RALYL: variants seen among roughly 807,000 people sequenced by gnomAD.
The protein encoded by RALYL is RALY RNA binding protein like.
A neutral mutation model predicts 35.1 loss-of-function variants in RALYL; 29 were observed. The ratio of observed to expected loss-of-function variants is 0.83; its 90% CI spans 0.61 to 1.13. RALYL has a LOEUF of 1.13. Among genes scored for constraint, RALYL ranks in the 50% most tolerant of loss-of-function variants. The pLI is 0.00. For synonymous variants in RALYL, 120 were observed against 127.6 expected (o/e 0.94, Z 0.40); for missense variants, 359 against 360.4 (o/e 1.00, Z 0.03).
intron 2 of RALYL, among the ~76,000 whole-genome samples, chr8:84,585,539 A>G (rs991453995): frequency 1.3e-5 from 2 of 152,308 alleles, no homozygotes; most frequent in East Asian, 3.9e-4. Context: ...ATATGTATAC[A>G]TATTCAATAA....
intron 2 of RALYL, among the ~76,000 whole-genome samples, chr8:84,707,344 T>A (rs556057628): frequency 6.6e-6 from 1 of 152,324 alleles, no homozygotes; most frequent in African/African-American, 2.4e-5. Context: ...TGTGATTTCC[T>A]CTTACAAGAA....
intron 2 of RALYL, among the ~76,000 whole-genome samples, chr8:84,625,992 C>T (rs1313055155): frequency 1.3e-5 from 2 of 151,264 alleles, no homozygotes; most frequent in Non-Finnish European, 2.9e-5. Context: ...GAGACAGGGG[C>T]ACTTATCCAA....
At chr8:84,820,027 T>G (rs1828179304) in intron 4 of RALYL, among the ~76,000 whole-genome samples, 1 of 152,126 alleles carries the variant, frequency 6.6e-6, no homozygotes, top group East Asian at 1.9e-4. Flanking sequence ...AATTATAGAA[T>G]TTAAAAAATC....
At chr8:84,452,857 A>G (rs2049664441) in intron 1 of RALYL, among the ~76,000 whole-genome samples, 1 of 151,946 alleles carries the variant, frequency 6.6e-6, no homozygotes, top group African/African-American at 2.4e-5. Flanking sequence ...TTGTGTATAT[A>G]TGTATATTTA....
At chr8:84,467,554 T>G (rs1695241176) in intron 1 of RALYL, among the ~76,000 whole-genome samples, 1 of 149,936 alleles carries the variant, frequency 6.7e-6, no homozygotes, top group African/African-American at 2.4e-5. Flanking sequence ...AGGAGAGCTT[T>G]ACTTCCAAGT....
chr8:84,240,774 G>A (rs1469362585), intron 1 of RALYL, among the ~76,000 whole-genome samples: 1 of 152,096 alleles, frequency 6.6e-6, no homozygotes, highest in Non-Finnish European at 1.5e-5. Context: ...GAAAAGATGT[G>A]ATAAAAAGCT....
At chr8:84,865,214 T>C (rs888230446) in intron 6 of RALYL, among the ~76,000 whole-genome samples, 19 of 152,148 alleles carry the variant, frequency 1.2e-4, no homozygotes, top group African/African-American at 4.6e-4. Context: ...AGTTTCTAAC[T>C]CAAATCACAA....
chr8:84,877,923 A>C (rs1047287601), intron 7 of RALYL, among the ~76,000 whole-genome samples: 1 of 152,216 alleles, frequency 6.6e-6, no homozygotes, highest in Non-Finnish European at 1.5e-5. Context: ...AAGATGATGA[A>C]TTAAACACAT....
intron 1 of RALYL, among the ~76,000 whole-genome samples, chr8:84,282,333 G>T (rs1406624096): frequency 6.6e-6 from 1 of 151,592 alleles, no homozygotes; most frequent in Non-Finnish European, 1.5e-5. Context: ...TATTACTTTT[G>T]TTCTCCAGTA....
intron 1 of RALYL, among the ~76,000 whole-genome samples, chr8:84,504,651 C>G (rs2057005198): frequency 6.6e-6 from 1 of 152,048 alleles, no homozygotes; most frequent in African/African-American, 2.4e-5. Context: ...GAATGAGTAA[C>G]TGTGCAGTAG....
At chr8:84,603,052 A>C (rs1334655601) in intron 2 of RALYL, among the ~76,000 whole-genome samples, 1 of 152,122 alleles carries the variant, frequency 6.6e-6, no homozygotes, top group Non-Finnish European at 1.5e-5. Context: ...TAGATATATT[A>C]CCACTGAACT....
At chr8:84,597,292 TATG>T (rs940364600) in intron 2 of RALYL, among the ~76,000 whole-genome samples, 4 of 152,198 alleles carry the variant, frequency 2.6e-5, no homozygotes, top group Non-Finnish European at 5.9e-5. Flanking sequence ...CCCAATTCTC[TATG>T]ATATTTTATG....
chr8:84,370,684 G>C (rs2219809), intron 1 of RALYL, among the ~76,000 whole-genome samples: 1 of 152,082 alleles, frequency 6.6e-6, no homozygotes, highest in South Asian at 2.1e-4. Flanking sequence ...GAAGTGTTTA[G>C]AATCTGAGTA....
intron 2 of RALYL, among the ~76,000 whole-genome samples, chr8:84,576,279 C>G (rs1809409204): frequency 6.6e-6 from 1 of 152,044 alleles, no homozygotes; most frequent in African/African-American, 2.4e-5. Flanking sequence ...AAAAAAAGCA[C>G]TGAACATAAG....
intron 2 of RALYL, among the ~76,000 whole-genome samples, chr8:84,691,205 G>C (rs1011296818): frequency 6.6e-5 from 10 of 151,982 alleles, no homozygotes; most frequent in African/African-American, 2.4e-4. Context: ...CTTTATATGG[G>C]ATCTAGAAAT....
At chr8:84,864,610 C>T in intron 6 of RALYL, 1 of 264,242 alleles carries the variant, frequency 3.8e-6, no homozygotes, top group Non-Finnish European at 7.4e-6. Flanking sequence ...TAAATCTAAG[C>T]TTGGAGGTAG....
chr8:84,223,327 T>C (rs1440113109), intron 1 of RALYL, among the ~76,000 whole-genome samples: 1 of 151,500 alleles, frequency 6.6e-6, no homozygotes, highest in African/African-American at 2.4e-5. Context: ...ATTGGGAGGG[T>C]CTTAATAGGC....
At chr8:84,501,301 G>A (rs1010107936) in intron 1 of RALYL, among the ~76,000 whole-genome samples, 13 of 152,064 alleles carry the variant, frequency 8.5e-5, no homozygotes, top group African/African-American at 1.9e-4. Context: ...TTAAAAATGC[G>A]TATTGTTTGC....
rs574548150 is a variant in RALYL at position 84,429,691 on chromosome 8, A to C, written c.-23-99608A>C. Among the ~76,000 whole-genome samples the C allele has an allele frequency of 9.2e-5, 14 of 152,190 alleles. No individual in the cohort carries two copies. The South Asian group carries it at 2.7e-3, about 29-fold the overall frequency. On this transcript the variant is annotated intron_variant, in intron 1 of 8. Transcript: ENST00000521268. ...GTGACTGTCACACTGTAAGCATTCAAAAATTATTTTGATGTGCTAGAAGAG... is the reference window on the plus strand; with the variant it reads ...GTGACTGTCACACTGTAAGCATTCACAAATTATTTTGATGTGCTAGAAGAG...
Sources: allele counts gnomAD v4.1 joint callset (sites outside exome capture counted in the v4.1 genomes callset), GRCh38; gene constraint gnomAD v4.1.1; transcripts MANE v1.5; gene names NCBI Gene and HGNC (gene_info 2026-07-23, HGNC 2026-07-21).